The following EDARADD variants were observed in gnomAD, a reference collection of about 807,000 sequenced individuals.
The protein encoded by EDARADD is ectodysplasin-A receptor-associated adapter protein.
EDARADD carries 20 observed loss-of-function variants against 25.6 expected under a neutral mutation model. That is an observed-to-expected ratio of 0.78 (90% CI 0.55 to 1.14). EDARADD has a LOEUF of 1.14. Among genes scored for constraint, EDARADD ranks in the 50% most tolerant of loss-of-function variants. The pLI is 0.00. For synonymous variants in EDARADD, 86 were observed against 94.4 expected, an observed-to-expected ratio of 0.91 and a Z score of 0.52; for missense variants, 225 against 270.1, an observed-to-expected ratio of 0.83 and a Z score of 1.17.
At chr1:236,373,980 T>C (rs1667198204) in intron 3 of EDARADD, among the ~76,000 whole-genome samples, 1 of 152,212 alleles carries the variant, frequency 6.6e-6, no homozygotes, top group African/African-American at 2.4e-5. Flanking sequence ...TTTCCAGATA[T>C]CTTTTTATTA....
chr1:236,427,263 C>T lies in EDARADD; in HGVS notation c.161-129C>T, dbSNP rs1778861. ...TTTGGAGAGGAATTTGTAGTCCAGC[C>T]CTTCTGATTTTACCAGATGCCAAGG... On this transcript the variant is annotated intron_variant, in intron 3 of 5. Coordinates refer to ENST00000334232, the MANE Select transcript of EDARADD (RefSeq NM_145861.4). 0.53 allele frequency: 443,903 copies of T among 833,266 alleles called. 126,747 individuals are homozygous for T. Among genetic ancestry groups the T allele is most frequent in the Non-Finnish European group, 0.6 (317,420 of 525,376 alleles). The allele number at this position is 833,266 out of a possible 1,614,324, so 51.6% of individuals were successfully genotyped here. A position where few individuals can be genotyped will look rare whatever the true frequency, so the allele number is the denominator to read the frequency against.
intron 3 of EDARADD, among the ~76,000 whole-genome samples, chr1:236,383,121 G>A (rs1667319621): frequency 1.3e-5 from 2 of 152,076 alleles, no homozygotes; most frequent in Non-Finnish European, 2.9e-5. Context: ...AAGGCCGGGC[G>A]CAGTGGCTCA....
At chr1:236,421,034 A>AGG (rs34269720) in intron 3 of EDARADD, among the ~76,000 whole-genome samples, 74,411 of 146,148 alleles carry the variant, frequency 0.51, 24,520 homozygotes, top group Non-Finnish European at 0.66. Flanking sequence ...GTGCCCTGCC[A>AGG]GGAGAATGTG....
intron 1 of EDARADD, among the ~76,000 whole-genome samples, chr1:236,408,162 ATGGTGGG>A (rs1667770639): frequency 6.6e-6 from 1 of 152,100 alleles, no homozygotes; most frequent in Admixed American, 6.6e-5. Flanking sequence ...GTTCCAAAAT[ATGGTGGG>A]GTTTTTTATG....
chr1:236,391,850 C>T (rs920670349), upstream of EDARADD, among the ~76,000 whole-genome samples: 7 of 152,164 alleles, frequency 4.6e-5, no homozygotes, highest in African/African-American at 1.4e-4. Flanking sequence ...TCCACACTTA[C>T]GGCTGCAGCC....
intron 4 of EDARADD, among the ~76,000 whole-genome samples, chr1:236,455,390 G>A (rs1265712301): frequency 2.6e-5 from 4 of 152,156 alleles, no homozygotes; most frequent in Non-Finnish European, 4.4e-5. Flanking sequence ...GTGTCAGCCC[G>A]ACAGGCCCCT....
chr1:236,449,270 A>T (rs1658645732), intron 4 of EDARADD, among the ~76,000 whole-genome samples: 1 of 152,192 alleles, frequency 6.6e-6, no homozygotes, highest in African/African-American at 2.4e-5. Context: ...TAGAGACCCT[A>T]TGTCCAAATA....
At chr1:236,397,590 G>A (rs1667539246) in intron 1 of EDARADD, among the ~76,000 whole-genome samples, 1 of 152,032 alleles carries the variant, frequency 6.6e-6, no homozygotes, top group South Asian at 2.1e-4. Flanking sequence ...ATAAGAGGGC[G>A]TCATGTGGAA....
chr1:236,381,171 C>T (rs576959064), intron 3 of EDARADD, among the ~76,000 whole-genome samples: 52 of 152,210 alleles, frequency 3.4e-4, no homozygotes, highest in East Asian at 9.6e-4. Flanking sequence ...TCATACAATA[C>T]GCATGCTTTT....
In EDARADD at chr1:236,431,927, CAAAA is replaced by C. The variant is rs1170622280; in HGVS notation, c.219+4499_219+4502del. Reference sequence around the variant, plus strand: ...TGGGCGACAGAGCGAGACTCCGTCTCAAAAAAAAAAAAAAAAAAAAAAAAAGACC... The same window carrying C: ...TGGGCGACAGAGCGAGACTCCGTCTCAAAAAAAAAAAAAAAAAAAAAGACC... On this transcript the variant is annotated intron_variant, in intron 4 of 5. Coordinates refer to ENST00000334232, the MANE Select transcript of EDARADD (RefSeq NM_145861.4). Among the ~76,000 whole-genome samples, 10 of 17,988 alleles carry C rather than the reference CAAAA, an allele frequency of 5.6e-4. 1 individual carries two copies. The highest frequency in any genetic ancestry group is 9.2e-4 in the African/African-American group (10 of 10,916). The allele number at this position is 17,988 out of a possible 152,430, so 11.8% of individuals were successfully genotyped here. A position where few individuals can be genotyped will look rare whatever the true frequency, so the allele number is the denominator to read the frequency against.
intron 4 of EDARADD, among the ~76,000 whole-genome samples, chr1:236,442,754 G>C (rs1305952587): frequency 1.3e-5 from 2 of 152,160 alleles, no homozygotes; most frequent in Non-Finnish European, 2.9e-5. Flanking sequence ...ACACATTACT[G>C]TTCATTGACG....
At chr1:236,455,075 TGGCG>T in intron 4 of EDARADD, among the ~76,000 whole-genome samples, 1 of 152,248 alleles carries the variant, frequency 6.6e-6, no homozygotes, top group South Asian at 2.1e-4. Flanking sequence ...CTGGGCGTGG[TGGCG>T]GGCGCCTGTA....
rs535650895 is a variant in EDARADD, at chr1:236,364,555, A to C, written c.-6+13716A>C. 6.2e-3 allele frequency among the ~76,000 whole-genome samples: 950 copies of C among 152,350 alleles called. 9 individuals are homozygous for C. The highest frequency in any genetic ancestry group is 0.021 in the African/African-American group (892 of 41,580). On this transcript the variant is annotated intron_variant, in intron 3 of 7. Coordinates refer to the EDARADD transcript ENST00000439430. ...AAGGTATACTTCACCATTTATTCAT[A>C]TCTTCTTTAATATAGCTCAGCAATG...
At chr1:236,419,796 C>A (rs12064367) in intron 3 of EDARADD, among the ~76,000 whole-genome samples, 2,494 of 152,300 alleles carry the variant, frequency 0.016, 64 homozygotes, top group African/African-American at 0.056. Context: ...AAAAGAAAGT[C>A]TTTTATTCCA....
intron 3 of EDARADD, among the ~76,000 whole-genome samples, chr1:236,425,153 A>G (rs1657881817): frequency 6.6e-6 from 1 of 152,232 alleles, no homozygotes; most frequent in Admixed American, 6.5e-5. Context: ...TAAACCCACT[A>G]TGGCAAGATG....
chr1:236,395,564 G>A lies in EDARADD; in HGVS notation c.61+1059G>A, dbSNP rs1667500140. 5 of 1,542,536 alleles carry A rather than the reference G, an allele frequency of 3.2e-6. No homozygotes were observed. Among genetic ancestry groups the A allele is most frequent in the Admixed American group, 2.0e-5 (1 of 51,086 alleles). On this transcript the variant is annotated intron_variant, in intron 1 of 5. Coordinates refer to ENST00000334232, the MANE Select transcript of EDARADD (RefSeq NM_145861.4). The surrounding 1 kb of genome is among the most constrained non-coding windows in gnomAD (Gnocchi z 6.9). ...GGACTTTTCATCCCCGTGGTCCCACGGTCCTCCCGCGCCCCGGAGGCCTGC... is the reference window on the plus strand; with the variant it reads ...GGACTTTTCATCCCCGTGGTCCCACAGTCCTCCCGCGCCCCGGAGGCCTGC...
chr1:236,446,118 G>C (rs561656111), intron 4 of EDARADD, among the ~76,000 whole-genome samples: 2 of 152,114 alleles, frequency 1.3e-5, no homozygotes, highest in African/African-American at 4.8e-5. Context: ...AGAGAAGAGC[G>C]GGCCATCTTC....
At chr1:236,453,782 C>A (rs568719710) in intron 4 of EDARADD, among the ~76,000 whole-genome samples, 1 of 152,188 alleles carries the variant, frequency 6.6e-6, no homozygotes, top group African/African-American at 2.4e-5. Flanking sequence ...GTTCACACAA[C>A]GAAATCACCT....
At chr1:236,358,696 A>T (rs746224470) in intron 3 of EDARADD, among the ~76,000 whole-genome samples, 25 of 152,172 alleles carry the variant, frequency 1.6e-4, no homozygotes, top group Non-Finnish European at 3.4e-4. Context: ...TGAGTTTCTT[A>T]ATCTTGAGTT....
Sources: gnomAD v4.1 joint callset for allele counts (sites outside exome capture counted in the v4.1 genomes callset) on GRCh38, gnomAD v4.1.1 for gene constraint, Gnocchi (gnomAD v3.1) non-coding constraint, MANE v1.5 for transcripts, NCBI Gene and HGNC (gene_info 2026-07-23, HGNC 2026-07-21) for gene names.